TENM2: variants seen among roughly 807,000 people sequenced by gnomAD.
TENM2 encodes the protein teneurin transmembrane protein 2.
TENM2 carries 52 observed loss-of-function variants against 245.2 expected under a neutral mutation model. The observed-to-expected ratio is 0.21, with a 90% CI of 0.17 to 0.27. The LOEUF is 0.27. TENM2 is among the 10% of genes least tolerant of loss of function. The pLI is 1.00. For synonymous variants in TENM2, 1,363 were observed against 1,438.9 expected, an observed-to-expected ratio of 0.95 and a Z score of 1.19; for missense variants, 3,046 against 3,666.8, an observed-to-expected ratio of 0.83 and a Z score of 4.37.
chr5:167,588,740 G>A (rs1350991069), intron 2 of TENM2, among the ~76,000 whole-genome samples: 1 of 152,186 alleles, frequency 6.6e-6, no homozygotes, highest in African/African-American at 2.4e-5. Flanking sequence ...ATGACATGTA[G>A]ATAGAACCTA....
At chr5:167,355,127 G>C (rs1759225701) in intron 1 of TENM2, among the ~76,000 whole-genome samples, 1 of 152,188 alleles carries the variant, frequency 6.6e-6, no homozygotes. Context: ...TCCGTAGTTG[G>C]TTCTTAGCAC....
the TENM2 span, among the ~76,000 whole-genome samples, chr5:167,028,974 G>A: frequency 6.6e-6 from 1 of 152,072 alleles, no homozygotes; most frequent in South Asian, 2.1e-4. Flanking sequence ...TTTTTTTAAT[G>A]TGTTTGCATT....
the TENM2 span, among the ~76,000 whole-genome samples, chr5:167,083,516 A>C: frequency 1.3e-5 from 2 of 152,208 alleles, no homozygotes; most frequent in Admixed American, 1.3e-4. Context: ...GGGCTGACAT[A>C]GGAAAAGGGA....
At chr5:167,562,007 G>T (rs937978234) in intron 2 of TENM2, among the ~76,000 whole-genome samples, 3 of 152,152 alleles carry the variant, frequency 2.0e-5, no homozygotes, top group Non-Finnish European at 4.4e-5. Flanking sequence ...GGCCGGGTAT[G>T]ACTAAGTGAG....
intron 2 of TENM2, among the ~76,000 whole-genome samples, chr5:167,784,773 A>G (rs772527736): frequency 3.3e-5 from 5 of 152,252 alleles, no homozygotes; most frequent in Admixed American, 6.5e-5. Flanking sequence ...AATGTCATCC[A>G]TTGGAAAGAT....
At chr5:167,753,030 C>T (rs549027741) in intron 2 of TENM2, among the ~76,000 whole-genome samples, 7 of 152,174 alleles carry the variant, frequency 4.6e-5, no homozygotes, top group African/African-American at 1.7e-4. Context: ...TGACTGTACC[C>T]CGTGGTTTCT....
chr5:168,115,611 A>G (rs1367086956), intron 9 of TENM2, among the ~76,000 whole-genome samples: 4 of 152,112 alleles, frequency 2.6e-5, no homozygotes, highest in Non-Finnish European at 5.9e-5. Context: ...TATAACCCTT[A>G]GGTCAGAGAG....
At position 168,190,459 on chromosome 5, in the gene TENM2, G is replaced by A. The variant is rs755244663; in HGVS notation, c.2692G>A (p.Ala898Thr). ...TCAGCAGGGCCAGACGGATTGGCCC[G>A]CAGTGAAGTCCTTCTATGACCGTAT... The change falls in exon 14 of 29, where the codon GCA becomes ACA. Residue 898 changes from alanine to threonine, a missense_variant. By Grantham distance (58) the Ala-to-Thr change is moderately conservative (BLOSUM62 0). This residue lies in a region of TENM2 where 2,704 missense variants were observed against 3,331.9 expected (regional missense o/e 0.81). Transcript: ENST00000518659. The A allele has an allele frequency of 1.1e-5, 18 of 1,613,930 alleles. No individual in the cohort carries two copies. The highest frequency in any genetic ancestry group is 1.6e-4 in the Middle Eastern group (1 of 6,062).
At chr5:167,744,670 G>A (rs943673098) in intron 2 of TENM2, among the ~76,000 whole-genome samples, 3 of 152,170 alleles carry the variant, frequency 2.0e-5, no homozygotes, top group Admixed American at 6.5e-5. Flanking sequence ...GCCGCCCCAG[G>A]TGCTCATTTT....
intron 2 of TENM2, among the ~76,000 whole-genome samples, chr5:167,817,249 G>A (rs1005836919): frequency 6.6e-6 from 1 of 152,166 alleles, no homozygotes; most frequent in Admixed American, 6.5e-5. Context: ...TGTAGAATCT[G>A]CTTCTTCTGA....
intron 2 of TENM2, among the ~76,000 whole-genome samples, chr5:167,724,745 A>G (rs1759871538): frequency 6.6e-6 from 1 of 152,176 alleles, no homozygotes; most frequent in Non-Finnish European, 1.5e-5. Context: ...ATCCTAGGGT[A>G]TAATGTTCCA....
At chr5:167,959,340 G>T (rs562254443) in intron 4 of TENM2, among the ~76,000 whole-genome samples, 2 of 152,090 alleles carry the variant, frequency 1.3e-5, no homozygotes, top group African/African-American at 2.4e-5. Context: ...GACTACAGGC[G>T]CACACCACCA....
chr5:167,614,486 C>T (rs1777661447), intron 2 of TENM2, among the ~76,000 whole-genome samples: 1 of 152,096 alleles, frequency 6.6e-6, no homozygotes, highest in Non-Finnish European at 1.5e-5. Flanking sequence ...AGTTTCACTA[C>T]ATTATTCTGC....
the TENM2 span, chr5:167,116,339 TC>T: frequency 6.6e-6 from 1 of 152,234 alleles, no homozygotes; most frequent in East Asian, 1.9e-4. Context: ...GCCAAAGTTA[TC>T]TGTTGGAGGA....
chr5:167,579,671 T>C (rs1024994), intron 2 of TENM2, among the ~76,000 whole-genome samples: 94,777 of 152,030 alleles, frequency 0.62, 30,632 homozygotes, highest in Middle Eastern at 0.74. Flanking sequence ...TGTGTGAGTG[T>C]GGAGAATTCT....
intron 2 of TENM2, among the ~76,000 whole-genome samples, chr5:167,597,267 T>A (rs1381134131): frequency 6.6e-6 from 1 of 150,596 alleles, no homozygotes; most frequent in Non-Finnish European, 1.5e-5. Flanking sequence ...TAGTTTCAAG[T>A]GATTCTCCTG....
intron 3 of TENM2, among the ~76,000 whole-genome samples, chr5:167,894,196 T>G (rs747628214): frequency 2.2e-4 from 33 of 152,172 alleles, no homozygotes; most frequent in Non-Finnish European, 4.6e-4. Flanking sequence ...GATGGATGGA[T>G]GGATGGATGG....
intron 2 of TENM2, among the ~76,000 whole-genome samples, chr5:167,584,176 A>G (rs979324668): frequency 5.3e-5 from 8 of 152,242 alleles, no homozygotes; most frequent in African/African-American, 1.9e-4. Context: ...GCACAAACAA[A>G]GCAGTGAAAG....
intron 2 of TENM2, among the ~76,000 whole-genome samples, chr5:167,576,618 C>A (rs889155126): frequency 5.9e-5 from 9 of 152,076 alleles, no homozygotes; most frequent in African/African-American, 1.9e-4. Flanking sequence ...AACATTTCAT[C>A]CCTGAATGCT....
Sources: allele counts gnomAD v4.1 joint callset (sites outside exome capture counted in the v4.1 genomes callset), GRCh38; gene constraint gnomAD v4.1.1; regional missense constraint gnomAD v4.1.1; transcripts MANE v1.5; gene names NCBI Gene and HGNC (gene_info 2026-07-23, HGNC 2026-07-21).